GLIS3: variants seen among roughly 807,000 people sequenced by gnomAD.
GLIS3 encodes zinc finger protein GLIS3.
In GLIS3, 53 loss-of-function variants were observed where a neutral mutation model predicts 78.6. The ratio of observed to expected loss-of-function variants is 0.67; its 90% CI spans 0.54 to 0.85. The LOEUF (loss-of-function observed/expected upper bound fraction) is 0.85. Ranked by LOEUF, GLIS3 falls within the 40% of genes least tolerant of loss-of-function variation. The probability of loss-of-function intolerance (pLI) is 0.00; values close to 1 mark genes in which losing one functional copy is unlikely to be tolerated. For missense variants in GLIS3, 1,703 were observed against 1,231.1 expected (o/e 1.38, Z -5.74); for synonymous variants, 684 against 509.9 (o/e 1.34, Z -4.60).
At chr9:3,971,905 G>A (rs2130924787) in intron 4 of GLIS3, among the ~76,000 whole-genome samples, 2 of 152,180 alleles carry the variant, frequency 1.3e-5, no homozygotes, top group African/African-American at 2.4e-5. Context: ...GCAGTGCTGG[G>A]GATACTGAGG....
chr9:3,985,249 C>T (rs1163137756), intron 4 of GLIS3, among the ~76,000 whole-genome samples: 1 of 152,146 alleles, frequency 6.6e-6, no homozygotes, highest in African/African-American at 2.4e-5. Context: ...CTCAAGCAAT[C>T]CTCCCACCTC....
At chr9:4,372,754 G>A in the GLIS3 span, among the ~76,000 whole-genome samples, 12 of 152,154 alleles carry the variant, frequency 7.9e-5, no homozygotes, top group Non-Finnish European at 1.5e-5. Context: ...ATCAAGGGAA[G>A]ATGCTATAAA....
At chr9:4,293,531 C>G (rs183771808) in intron 1 of GLIS3, among the ~76,000 whole-genome samples, 45 of 152,340 alleles carry the variant, frequency 3.0e-4, no homozygotes, top group African/African-American at 1.1e-3. Context: ...GTGAATGACT[C>G]AGCCAAGTTA....
intron 6 of GLIS3, among the ~76,000 whole-genome samples, chr9:3,901,466 C>T (rs1823296312): frequency 6.6e-6 from 1 of 152,170 alleles, no homozygotes; most frequent in Non-Finnish European, 1.5e-5. Context: ...TACAAACAGG[C>T]TTTTTCCATC....
At chr9:3,907,611 C>A (rs1300219891) in intron 6 of GLIS3, among the ~76,000 whole-genome samples, 1 of 94,938 alleles carries the variant, frequency 1.1e-5, no homozygotes, top group Non-Finnish European at 2.3e-5. Flanking sequence ...CCCAAACACA[C>A]ACACACACAC....
intron 2 of GLIS3, among the ~76,000 whole-genome samples, chr9:4,322,471 C>T (rs12502547): frequency 0.06 from 9,117 of 152,142 alleles, 901 homozygotes; most frequent in African/African-American, 0.2. Context: ...CTTGAGGAAT[C>T]GCCACACTGT....
intron 2 of GLIS3, among the ~76,000 whole-genome samples, chr9:4,346,106 T>C (rs940696801): frequency 2.0e-5 from 3 of 152,088 alleles, no homozygotes; most frequent in Non-Finnish European, 4.4e-5. Context: ...GAATTTGACA[T>C]CCATTGAAAG....
chr9:4,363,949 T>A, the GLIS3 span, among the ~76,000 whole-genome samples: 1 of 152,172 alleles, frequency 6.6e-6, no homozygotes, highest in Non-Finnish European at 1.5e-5. Flanking sequence ...CCTAGTCCAG[T>A]ATTACAAAAG....
At chr9:4,077,057 TA>T (rs1281317960) in intron 4 of GLIS3, among the ~76,000 whole-genome samples, 3 of 151,786 alleles carry the variant, frequency 2.0e-5, no homozygotes, top group South Asian at 2.1e-4. Flanking sequence ...AGACCTTGTC[TA>T]AAAAAACAAT....
the GLIS3 span, among the ~76,000 whole-genome samples, chr9:4,372,102 C>A: frequency 6.6e-6 from 1 of 152,120 alleles, no homozygotes; most frequent in Admixed American, 6.6e-5. Context: ...TGAACCAGTT[C>A]TGCTTATGCT....
At position 3,898,781 on chromosome 9, in the gene GLIS3, G is replaced by A; in HGVS notation, c.2038C>T (p.Gln680Ter). 6.2e-7 allele frequency: 1 copy of A among 1,614,220 alleles called. No individual in the cohort carries two copies. The highest frequency in any genetic ancestry group is 8.5e-7 in the Non-Finnish European group (1 of 1,180,038). ...PDLLTDCLTV[Q>*]SLQPATSPRD... ...GGGGAAGTGGCCGGCTGCAGGGACTGCACGGTGAGGCAATCTGTGAGCAGG... is the reference window on the plus strand; with the variant it reads ...GGGGAAGTGGCCGGCTGCAGGGACTACACGGTGAGGCAATCTGTGAGCAGG... The change falls in exon 7 of 11, where the codon CAG becomes TAG. Residue 680 changes from glutamine (Q) to a stop codon, truncating the protein, a stop_gained. Coordinates refer to ENST00000381971, the MANE Select transcript of GLIS3 (RefSeq NM_001042413.2). LOFTEE classifies it high-confidence loss of function.
chr9:4,045,684 G>C (rs1825191790), intron 4 of GLIS3, among the ~76,000 whole-genome samples: 1 of 152,052 alleles, frequency 6.6e-6, no homozygotes, highest in African/African-American at 2.4e-5. Context: ...AAAAGAAGAA[G>C]TCCTGGCCCC....
the GLIS3 span, among the ~76,000 whole-genome samples, chr9:4,358,272 C>G: frequency 6.6e-6 from 1 of 151,908 alleles, no homozygotes; most frequent in African/African-American, 2.4e-5. Context: ...TTTGTATACT[C>G]GTTTTAATGC....
the GLIS3 span, among the ~76,000 whole-genome samples, chr9:4,421,197 A>C: frequency 6.6e-6 from 1 of 152,220 alleles, no homozygotes; most frequent in Non-Finnish European, 1.5e-5. Flanking sequence ...AGGCTGAAAT[A>C]ATCTCTGTCA....
Position 4,276,544 on chromosome 9 carries a change from A to G in GLIS3, c.388+9494T>C, listed in dbSNP as rs866354745. On this transcript the variant is annotated intron_variant, in intron 2 of 10. Coordinates refer to ENST00000381971, the MANE Select transcript of GLIS3 (RefSeq NM_001042413.2). ...AAGGGAAGGGAAGAGAAGGGGACGG[A>G]AGGGGAGGGGAGGGGAGGGGAGGGA... Among the ~76,000 whole-genome samples, 41 of 29,496 alleles carry G rather than the reference A, an allele frequency of 1.4e-3. 1 individual carries two copies. Among genetic ancestry groups the G allele is most frequent in the African/African-American group, 4.9e-3 (38 of 7,810 alleles). The allele number at this position is 29,496 out of a possible 152,430, so 19.4% of individuals were successfully genotyped here.
intron 4 of GLIS3, among the ~76,000 whole-genome samples, chr9:4,011,505 G>A (rs1822008971): frequency 6.6e-6 from 1 of 152,134 alleles, no homozygotes; most frequent in Non-Finnish European, 1.5e-5. Flanking sequence ...TGGTGTGCAC[G>A]GTACCCTCAT....
chr9:3,905,382 T>C (rs943335023), intron 6 of GLIS3, among the ~76,000 whole-genome samples: 2 of 152,074 alleles, frequency 1.3e-5, no homozygotes, highest in African/African-American at 4.8e-5. Context: ...GAAAAGTCTC[T>C]AGCATACCTT....
At chr9:4,366,377 C>G in the GLIS3 span, among the ~76,000 whole-genome samples, 2 of 152,042 alleles carry the variant, frequency 1.3e-5, no homozygotes, top group African/African-American at 4.8e-5. Flanking sequence ...CGAGTTAAAA[C>G]GTGAAAAAAA....
the GLIS3 span, among the ~76,000 whole-genome samples, chr9:4,367,216 T>G: frequency 6.6e-6 from 1 of 152,208 alleles, no homozygotes; most frequent in Non-Finnish European, 1.5e-5. Flanking sequence ...CCCTGCCCAC[T>G]CTCCAGCTTC....
Sources: allele counts gnomAD v4.1 joint callset (sites outside exome capture counted in the v4.1 genomes callset), GRCh38; gene constraint gnomAD v4.1.1; transcripts MANE v1.5; gene names NCBI Gene and HGNC (gene_info 2026-07-23, HGNC 2026-07-21).